The following LAMA2 variants were observed in gnomAD, a reference collection of about 807,000 sequenced individuals.
LAMA2 encodes laminin subunit alpha-2.
LAMA2 carries 269 observed loss-of-function variants against 364.8 expected under a neutral mutation model. The observed-to-expected ratio is 0.74, with a 90% confidence interval of 0.67 to 0.82. The LOEUF is 0.82. Among genes scored for constraint, LAMA2 ranks in the 40% least tolerant of loss-of-function variants. The pLI, the probability that LAMA2 is intolerant of heterozygous loss-of-function variation, is 0.00. For synonymous variants in LAMA2, 1,379 were observed against 1,370.6 expected (o/e 1.01, Z -0.14); for missense variants, 3,807 against 3,873.2 (o/e 0.98, Z 0.45).
intron 1 of LAMA2, among the ~76,000 whole-genome samples, chr6:128,975,233 A>G (rs1231358637): frequency 6.6e-6 from 1 of 152,194 alleles, no homozygotes; most frequent in Non-Finnish European, 1.5e-5. Context: ...TGCTATTAGG[A>G]CCATATGGCA....
intron 1 of LAMA2, among the ~76,000 whole-genome samples, chr6:128,957,849 T>TC (rs1781248432): frequency 6.7e-6 from 1 of 149,224 alleles, no homozygotes; most frequent in Admixed American, 6.7e-5. Flanking sequence ...TTTTTTTTTT[T>TC]TTTTTTTTTT....
At chr6:129,035,835 T>G (rs760993235) in intron 1 of LAMA2, among the ~76,000 whole-genome samples, 4 of 152,126 alleles carry the variant, frequency 2.6e-5, no homozygotes, top group Non-Finnish European at 5.9e-5. Flanking sequence ...CATTGCCTTA[T>G]GTGCCATTTT....
rs1474121627 is a variant in LAMA2 at position 129,488,301 on chromosome 6, C to G, written c.7898+1679C>G. ...CTCCAGCCTGGGCAACAGAGCAAGA[C>G]TCCAACTCGGAAAAAACAAAACAAA... On this transcript the variant is annotated intron_variant, in intron 56 of 64. Coordinates refer to ENST00000421865, the MANE Select transcript of LAMA2 (RefSeq NM_000426.4). Among the ~76,000 whole-genome samples the G allele has an allele frequency of 3.3e-5, 5 of 152,150 alleles. No homozygotes were observed. The South Asian group carries it at 1.0e-3, about 32-fold the overall frequency.
intron 28 of LAMA2, among the ~76,000 whole-genome samples, chr6:129,322,602 G>A (rs1371224435): frequency 2.6e-5 from 4 of 152,140 alleles, no homozygotes; most frequent in Non-Finnish European, 5.9e-5. Flanking sequence ...AAAATTCTCT[G>A]ATTCTGCAAT....
intron 30 of LAMA2, among the ~76,000 whole-genome samples, chr6:129,348,811 G>A (rs112104015): frequency 0.15 from 22,477 of 152,120 alleles, 2,207 homozygotes; most frequent in Non-Finnish European, 0.22. Context: ...AGTGAAACAT[G>A]TATTCACACT....
chr6:129,152,713 C>G (rs1487157539), intron 7 of LAMA2, among the ~76,000 whole-genome samples: 1 of 152,154 alleles, frequency 6.6e-6, no homozygotes, highest in Non-Finnish European at 1.5e-5. Context: ...GCGCCTCCCT[C>G]CACCCGGCAT....
intron 1 of LAMA2, among the ~76,000 whole-genome samples, chr6:128,919,804 A>T (rs1263175811): frequency 6.6e-6 from 1 of 152,206 alleles, no homozygotes; most frequent in African/African-American, 2.4e-5. Flanking sequence ...TTTATAAGTC[A>T]TGTAGCCGTA....
At chr6:129,487,456 C>T (rs532702852) in intron 56 of LAMA2, among the ~76,000 whole-genome samples, 1 of 152,182 alleles carries the variant, frequency 6.6e-6, no homozygotes, top group East Asian at 1.9e-4. Context: ...GACCTCCAAG[C>T]CAGCAATCCA....
intron 41 of LAMA2, 83 bp downstream of exon 41, chr6:129,427,937 T>A: frequency 1.1e-6 from 1 of 875,606 alleles, no homozygotes; most frequent in Non-Finnish European, 1.9e-6. Flanking sequence ...TTGGAGAATG[T>A]AATTTCTTTA....
chr6:129,069,713 A>T lies in LAMA2; in HGVS notation c.396+9817A>T, dbSNP rs1773178445. Among the ~76,000 whole-genome samples the T allele has an allele frequency of 4.0e-5, 6 of 148,442 alleles. No individual in the cohort carries two copies. In the South Asian group the frequency reaches 1.3e-3, roughly 31 times the overall value. On this transcript the variant is annotated intron_variant, in intron 3 of 64. Transcript: ENST00000421865. ...AATAATGTGTTAGTACATAGAACTA[A>T]TATAATTGTAAATAAGTGTGTTTAT...
intron 1 of LAMA2, among the ~76,000 whole-genome samples, chr6:128,896,979 C>A (rs1011175837): frequency 6.6e-6 from 1 of 152,180 alleles, no homozygotes; most frequent in Admixed American, 6.5e-5. Flanking sequence ...ATGTCTCATG[C>A]CTTAATTTAT....
intron 51 of LAMA2, among the ~76,000 whole-genome samples, chr6:129,469,137 C>T (rs1036129349): frequency 6.6e-6 from 1 of 151,922 alleles, no homozygotes; most frequent in Non-Finnish European, 1.5e-5. Context: ...GGCCAGATCA[C>T]AGGAAGCTGT....
intron 14 of LAMA2, among the ~76,000 whole-genome samples, chr6:129,259,864 A>G (rs1214175928): frequency 6.6e-6 from 1 of 152,266 alleles, no homozygotes; most frequent in South Asian, 2.1e-4. Flanking sequence ...ATCTTGGTCT[A>G]TTTGACTCAC....
intron 1 of LAMA2, among the ~76,000 whole-genome samples, chr6:128,921,704 T>G (rs28555393): frequency 2.1e-5 from 3 of 144,976 alleles, no homozygotes; most frequent in African/African-American, 2.8e-5. Context: ...TCTGTTTTTT[T>G]TTTTTTTTTA....
intron 13 of LAMA2, among the ~76,000 whole-genome samples, chr6:129,251,076 C>CTATATA (rs71714357): frequency 1.5e-3 from 75 of 49,796 alleles, no homozygotes; most frequent in Non-Finnish European, 1.8e-3. Context: ...CTCTCTCTCT[C>CTATATA]TATATATATA....
At chr6:128,894,746 G>A (rs890991960) in intron 1 of LAMA2, among the ~76,000 whole-genome samples, 8 of 152,188 alleles carry the variant, frequency 5.3e-5, no homozygotes, top group African/African-American at 1.9e-4. Flanking sequence ...TTCTGGGAGT[G>A]TGTGGTGGTG....
intron 1 of LAMA2, among the ~76,000 whole-genome samples, chr6:128,917,478 GAAA>G (rs1778395468): frequency 1.3e-5 from 2 of 151,932 alleles, no homozygotes; most frequent in African/African-American, 4.8e-5. Context: ...CCTCAATGGA[GAAA>G]GAGGCTCCCT....
chr6:129,438,636 T>G lies in LAMA2; in HGVS notation c.5969-10T>G. On this transcript the variant is annotated splice_polypyrimidine_tract_variant and intron_variant, in intron 41 of 64. Coordinates refer to ENST00000421865, the MANE Select transcript of LAMA2 (RefSeq NM_000426.4). The stretch of plus-strand genomic sequence containing the variant: ...CTTATTTAATCCTTTTTTTTGTTTT[T>G]TATTCGCAGAAAATGAAGACCATCT... The G allele has an allele frequency of 7.0e-7, 1 of 1,438,594 alleles. No homozygotes were observed. Among genetic ancestry groups the G allele is most frequent in the Non-Finnish European group, 9.8e-7 (1 of 1,020,470 alleles). 89.1% of individuals were successfully genotyped at this position (1,438,594 alleles called of 1,614,324 possible).
intron 1 of LAMA2, among the ~76,000 whole-genome samples, chr6:128,887,098 G>T (rs1776190238): frequency 6.6e-6 from 1 of 152,098 alleles, no homozygotes; most frequent in Non-Finnish European, 1.5e-5. Context: ...ATAAAAACAT[G>T]TTTGAGACAA....
Sources: gnomAD v4.1 joint callset for allele counts (sites outside exome capture counted in the v4.1 genomes callset) on GRCh38, gnomAD v4.1.1 for gene constraint, MANE v1.5 for transcripts, NCBI Gene and HGNC (gene_info 2026-07-23, HGNC 2026-07-21) for gene names.